KCNAB2: variants seen among roughly 807,000 people sequenced by gnomAD.
KCNAB2 encodes the protein voltage-gated potassium channel subunit beta-2.
In KCNAB2, 29 loss-of-function variants were observed where a neutral mutation model predicts 63.6. The ratio of observed to expected loss-of-function variants is 0.46; its 90% confidence interval spans 0.34 to 0.62. KCNAB2 has a LOEUF of 0.62. Among genes scored for constraint, KCNAB2 ranks in the 20% least tolerant of loss-of-function variants. KCNAB2 has a pLI of 0.01. For synonymous variants in KCNAB2, 222 were observed against 224.2 expected (o/e 0.99, Z 0.09); for missense variants, 359 against 563.9 (o/e 0.64, Z 3.68).
Position 6,087,620 on chromosome 1 carries a change from C to G in KCNAB2, c.470+109C>G. The stretch of plus-strand genomic sequence containing the variant: ...CTCCTGGGGTGGCGGGAGGACAGTC[C>G]TCCTTGAGAAGGGAGAGTGGTCGGG... On this transcript the variant is annotated intron_variant, in intron 7 of 15. Transcript: ENST00000378083. The surrounding 1 kb of genome is among the most constrained non-coding windows in gnomAD (Gnocchi z 6.4). The G allele has an allele frequency of 8.5e-7, 1 of 1,178,542 alleles. No homozygotes were observed. The highest frequency in any genetic ancestry group is 1.3e-6 in the Non-Finnish European group (1 of 796,538). The allele number at this position is 1,178,542 out of a possible 1,614,324, so 73.0% of individuals were successfully genotyped here.
chr1:6,057,526 G>T (rs1391233436), intron 2 of KCNAB2, among the ~76,000 whole-genome samples: 1 of 152,182 alleles, frequency 6.6e-6, no homozygotes, highest in Non-Finnish European at 1.5e-5. Flanking sequence ...GTGCATCCTG[G>T]GAAAGAGGGG....
Position 6,072,742 on chromosome 1 carries a change from G to A in KCNAB2, c.219-13G>A, listed in dbSNP as rs199506996. 1.4e-4 allele frequency: 230 copies of A among 1,613,674 alleles called. No individual in the cohort carries two copies. Among genetic ancestry groups the A allele is most frequent in the Non-Finnish European group, 1.7e-4 (200 of 1,179,804 alleles). Reference sequence around the variant, plus strand: ...CCTGGGTGCTGAGAACTCACGTGGCGTTTGTTTTTCAGGAACCTGGGCAAG... The same window carrying A: ...CCTGGGTGCTGAGAACTCACGTGGCATTTGTTTTTCAGGAACCTGGGCAAG... On this transcript the variant is annotated splice_polypyrimidine_tract_variant and intron_variant, in intron 2 of 15. Coordinates refer to ENST00000378083, the MANE Select transcript of KCNAB2 (RefSeq NM_001199862.2).
intron 4 of KCNAB2, among the ~76,000 whole-genome samples, chr1:6,080,767 A>G (rs1239591258): frequency 2.0e-5 from 3 of 152,124 alleles, no homozygotes; most frequent in Non-Finnish European, 4.4e-5. Context: ...GCCTTCTCCC[A>G]TGGGTGCCCC....
intron 2 of KCNAB2, among the ~76,000 whole-genome samples, chr1:6,060,523 TC>T (rs1662218786): frequency 6.6e-6 from 1 of 152,062 alleles, no homozygotes. Flanking sequence ...TAAACCACAC[TC>T]CGTTCAGCAC....
In KCNAB2 at chr1:6,003,288, C is replaced by T. The variant is rs1570820096; in HGVS notation, c.-53+10500C>T. 6.6e-6 allele frequency among the ~76,000 whole-genome samples: 1 copy of T among 152,340 alleles called. No individual in the cohort carries two copies. The highest frequency in any genetic ancestry group is 1.9e-4 in the East Asian group (1 of 5,174). On this transcript the variant is annotated intron_variant, in intron 1 of 16. Transcript: ENST00000341524. This position sits in a 1 kb window ranked among gnomAD's most constrained non-coding sequence, Gnocchi z 4.1. ...TCCTGCGGGATTCCCCATCCCACCC[C>T]TGGAACTTGCTTTCCCTGCTTCCCA...
At chr1:6,011,674 A>C (rs1387468249) in intron 1 of KCNAB2, among the ~76,000 whole-genome samples, 8 of 152,214 alleles carry the variant, frequency 5.3e-5, no homozygotes, top group Non-Finnish European at 8.8e-5. Context: ...AGAAATAGAA[A>C]CGGGGCTCTG....
chr1:6,000,541 G>T (rs1657192525), intron 1 of KCNAB2, among the ~76,000 whole-genome samples: 1 of 152,120 alleles, frequency 6.6e-6, no homozygotes, highest in South Asian at 2.1e-4. Flanking sequence ...ATGGGTCTGG[G>T]GAGGCCACTG....
At chr1:6,088,293 G>T (rs369891153) in intron 7 of KCNAB2, among the ~76,000 whole-genome samples, 1 of 149,762 alleles carries the variant, frequency 6.7e-6, no homozygotes, top group African/African-American at 2.5e-5. Flanking sequence ...GTACAGTGGC[G>T]TAGTCCCAGC....
chr1:6,049,532 ACAGAGGTG>A (rs1191079817), intron 1 of KCNAB2, among the ~76,000 whole-genome samples: 7 of 152,204 alleles, frequency 4.6e-5, no homozygotes, highest in Admixed American at 3.9e-4. Flanking sequence ...TGCCCATCAG[ACAGAGGTG>A]CAGAGGTGCA....
At chr1:6,041,628 C>G (rs1570933812), upstream of KCNAB2, 4 of 578,644 alleles carry the variant, frequency 6.9e-6, no homozygotes, top group South Asian at 8.2e-5. Context: ...TGCCCCGTGG[C>G]CACCGGGTGG....
Position 6,089,014 on chromosome 1 carries a change from G to C in KCNAB2, c.477G>C (p.Glu159Asp). ...TTKIFWGGKA[E>D]TERGLSRKHI... is the part of the protein sequence containing the mutation. The stretch of plus-strand genomic sequence containing the variant: ...CGGTCGGCCTGTTTTCCAGGGCGGA[G>C]ACGGAGCGGGGCCTGTCCAGGAAGC... The change falls in exon 8 of 16, where the codon GAG (glutamate) becomes GAC (aspartate). Residue 159 changes from glutamate (E) to aspartate (D), a missense_variant. This residue lies in a region of KCNAB2 where 271 missense variants were observed against 476.1 expected (regional missense o/e 0.57). Transcript: ENST00000378083. 1.3e-6 allele frequency: 2 copies of C among 1,548,632 alleles called. No individual in the cohort carries two copies. Among genetic ancestry groups the C allele is most frequent in the Non-Finnish European group, 1.7e-6 (2 of 1,145,924 alleles).
In KCNAB2 at chr1:6,051,700, T is replaced by C; in HGVS notation, c.164T>C (p.Met55Thr). 1 of 1,533,810 alleles carries C rather than the reference T, an allele frequency of 6.5e-7. No homozygotes were observed. The highest frequency in any genetic ancestry group is 8.7e-7 in the Non-Finnish European group (1 of 1,146,686). Reference protein sequence around the residue: ...QARNMESFLRMHGLSLDGCTA... With the variant: ...QARNMESFLRTHGLSLDGCTA... Reference sequence around the variant, plus strand: ...AGGAACATGGAGAGCTTCCTCCGCATGCACGGCCTTTCCCTGGACGGCTGC... The same window carrying C: ...AGGAACATGGAGAGCTTCCTCCGCACGCACGGCCTTTCCCTGGACGGCTGC... Residue 55 changes from methionine (M) to threonine (T), a missense_variant, in exon 2 of 16, where the codon ATG becomes ACG. This residue lies in a region of KCNAB2 where 88 missense variants were observed against 87.8 expected (regional missense o/e 1.00). Transcript: ENST00000378083.
chr1:6,001,339 A>G lies in KCNAB2; in HGVS notation c.-53+8551A>G, dbSNP rs547315658. Reference sequence around the variant, plus strand: ...ACACACACACACACACACTCTCCCAACACACACACAGACACACAGAGCCTG... The same window carrying G: ...ACACACACACACACACACTCTCCCAGCACACACACAGACACACAGAGCCTG... On this transcript the variant is annotated intron_variant, in intron 1 of 16. Transcript: ENST00000341524. Among the ~76,000 whole-genome samples the G allele has an allele frequency of 2.8e-3, 425 of 151,620 alleles. 2 individuals are homozygous for G. Among genetic ancestry groups the G allele is most frequent in the African/African-American group, 9.8e-3 (404 of 41,378 alleles).
At chr1:6,070,719 C>A (rs537930367) in intron 2 of KCNAB2, among the ~76,000 whole-genome samples, 2 of 152,100 alleles carry the variant, frequency 1.3e-5, no homozygotes, top group Admixed American at 1.3e-4. Flanking sequence ...TGGCAGCCAC[C>A]GTGAGAAAGG....
rs888956200 is a variant in KCNAB2, at chr1:6,100,278, G to A, written c.*1704G>A. ...GACCCCCCTTCATGCTGCCCCTGGC[G>A]CCTAGAACCCTTGCCCCTCCTCATA... On this transcript the variant is annotated 3_prime_UTR_variant, in exon 16 of 16. Transcript: ENST00000378083. 20 of 498,222 alleles carry A rather than the reference G, an allele frequency of 4.0e-5. No individual in the cohort carries two copies. In the Admixed American group the frequency reaches 6.2e-4, roughly 15 times the overall value. 30.9% of individuals were successfully genotyped at this position (498,222 alleles called of 1,614,324 possible). A position where few individuals can be genotyped will look rare whatever the true frequency, so the allele number is the denominator to read the frequency against.
chr1:6,048,046 G>T (rs77921269), intron 1 of KCNAB2, among the ~76,000 whole-genome samples: 6,151 of 152,266 alleles, frequency 0.04, 377 homozygotes, highest in African/African-American at 0.14. Context: ...CTAAATCCTG[G>T]CCACAAAACC....
At position 5,994,164 on chromosome 1, in the gene KCNAB2, C is replaced by G. The variant is rs947735530; in HGVS notation, c.-53+1376C>G. On this transcript the variant is annotated intron_variant, in intron 1 of 16. Transcript: ENST00000341524. This position sits in a 1 kb window ranked among gnomAD's most constrained non-coding sequence, Gnocchi z 5.4. ...GATTTTTTCTTTCTCTGCAACTTCT[C>G]CTCCCCGACAAAAACCCCAGCCTCA... is the stretch of plus-strand genomic sequence containing the variant. Among the ~76,000 whole-genome samples, 5 of 152,188 alleles carry G rather than the reference C, an allele frequency of 3.3e-5. No homozygotes were observed. Among genetic ancestry groups the G allele is most frequent in the Admixed American group, 3.3e-4 (5 of 15,282 alleles).
At chr1:6,037,961 G>A (rs3761924) in intron 1 of KCNAB2, among the ~76,000 whole-genome samples, 87,331 of 147,860 alleles carry the variant, frequency 0.59, 25,660 homozygotes, top group Middle Eastern at 0.68. Flanking sequence ...TGCAAGCTCC[G>A]TCTCCCGGGT....
At chr1:6,059,007 C>G (rs1662083446) in intron 2 of KCNAB2, among the ~76,000 whole-genome samples, 1 of 152,114 alleles carries the variant, frequency 6.6e-6, no homozygotes. Context: ...GCCCCAGCTT[C>G]CCTAAAGGGA....
Sources: gnomAD v4.1 joint callset for allele counts (sites outside exome capture counted in the v4.1 genomes callset) on GRCh38, gnomAD v4.1.1 for gene constraint, gnomAD v4.1.1 regional missense constraint, Gnocchi (gnomAD v3.1) non-coding constraint, MANE v1.5 for transcripts, NCBI Gene and HGNC (gene_info 2026-07-23, HGNC 2026-07-21) for gene names.